Variants in NELL1 observed in about 807,000 individuals in gnomAD.
The protein encoded by NELL1 is protein kinase C-binding protein NELL1.
In NELL1, 76 loss-of-function variants were observed where a neutral mutation model predicts 107.4. The ratio of observed to expected loss-of-function variants is 0.71; its 90% CI spans 0.59 to 0.86. The LOEUF (loss-of-function observed/expected upper bound fraction) is 0.86, where lower values mean the gene tolerates loss of function less well. Ranked by LOEUF, NELL1 falls within the 40% of genes least tolerant of loss-of-function variation. The pLI is 0.00. For synonymous variants in NELL1, 353 were observed against 341.2 expected, an observed-to-expected ratio of 1.03 and a Z score of -0.38; for missense variants, 1,024 against 1,005.5, an observed-to-expected ratio of 1.02 and a Z score of -0.25.
At chr11:21,169,705 T>C (rs1268247851) in intron 13 of NELL1, 2 of 671,602 alleles carry the variant, frequency 3.0e-6, no homozygotes, top group Admixed American at 3.0e-5. Flanking sequence ...TCATAATTCC[T>C]TGGTCATCTT....
intron 5 of NELL1, among the ~76,000 whole-genome samples, chr11:20,915,717 A>ATATATATATATTTTTT: frequency 6.9e-5 from 4 of 58,224 alleles, no homozygotes; most frequent in African/African-American, 3.5e-4. Context: ...ATATATATAT[A>ATATATATATATTTTTT]TTTTTTTTTT....
intron 15 of NELL1, among the ~76,000 whole-genome samples, chr11:21,449,275 T>C (rs1945409): frequency 0.085 from 12,948 of 151,856 alleles, 731 homozygotes; most frequent in Non-Finnish European, 0.12. Flanking sequence ...AAGATCTCAT[T>C]TTTTGTTTGT....
intron 15 of NELL1, among the ~76,000 whole-genome samples, chr11:21,466,918 C>T: frequency 6.6e-6 from 1 of 151,580 alleles, no homozygotes; most frequent in Non-Finnish European, 1.5e-5. Context: ...ATGAATATCT[C>T]CCCAGACATT....
intron 2 of NELL1, among the ~76,000 whole-genome samples, chr11:20,684,747 C>A (rs1474716455): frequency 6.6e-6 from 1 of 151,918 alleles, no homozygotes; most frequent in Non-Finnish European, 1.5e-5. Flanking sequence ...CTTTTAGATC[C>A]TACTTTAAAG....
At chr11:21,099,222 C>CAA (rs1403909956) in intron 12 of NELL1, among the ~76,000 whole-genome samples, 15 of 137,092 alleles carry the variant, frequency 1.1e-4, no homozygotes, top group African/African-American at 2.4e-4. Flanking sequence ...CACACACACA[C>CAA]ACACACACAC....
chr11:20,921,161 T>G (rs962738578), intron 7 of NELL1, among the ~76,000 whole-genome samples: 6 of 152,224 alleles, frequency 3.9e-5, no homozygotes, highest in African/African-American at 1.4e-4. Context: ...ATTATAACTA[T>G]TGAAAACTAT....
chr11:21,193,886 T>C (rs1857097196), intron 13 of NELL1, among the ~76,000 whole-genome samples: 1 of 151,930 alleles, frequency 6.6e-6, no homozygotes, highest in Non-Finnish European at 1.5e-5. Flanking sequence ...ATGTTTACAC[T>C]TGAAATTCTT....
In NELL1 at chr11:20,794,608, G is replaced by T. The variant is rs562248044; in HGVS notation, c.335+10778G>T. On this transcript the variant is annotated intron_variant, in intron 3 of 19. Transcript: ENST00000357134. The stretch of plus-strand genomic sequence containing the variant: ...TACCTGGTGATTTTTCTGAGGATTA[G>T]TATTTGTAAAATACCTAGCATAGTG... Among the ~76,000 whole-genome samples, 3 of 152,164 alleles carry T rather than the reference G, an allele frequency of 2.0e-5. No homozygotes were observed. The East Asian group carries it at 5.8e-4, about 29-fold the overall frequency.
intron 15 of NELL1, among the ~76,000 whole-genome samples, chr11:21,531,808 A>G (rs1391963766): frequency 1.3e-5 from 2 of 152,134 alleles, no homozygotes; most frequent in Non-Finnish European, 2.9e-5. Context: ...GCCTCTGAGG[A>G]CAAAGGCAGC....
At chr11:21,083,756 C>T (rs77355968) in intron 12 of NELL1, among the ~76,000 whole-genome samples, 4,199 of 152,226 alleles carry the variant, frequency 0.028, 134 homozygotes, top group South Asian at 0.12. Flanking sequence ...ATCTGTCATT[C>T]AACTTTAAAC....
chr11:21,229,317 T>C lies in NELL1; in HGVS notation c.1427-15T>C. On this transcript the variant is annotated splice_polypyrimidine_tract_variant and intron_variant, in intron 13 of 19. Transcript: ENST00000357134. ...AAGAAAAAGTATTTCTCTTTTTCTC[T>C]CACCCTGGAAACAGAACACGATGAA... 6.2e-7 allele frequency: 1 copy of C among 1,613,572 alleles called. No individual in the cohort carries two copies. The highest frequency in any genetic ancestry group is 8.5e-7 in the Non-Finnish European group (1 of 1,179,728).
intron 12 of NELL1, among the ~76,000 whole-genome samples, chr11:21,046,535 C>T (rs956810982): frequency 2.0e-5 from 3 of 152,024 alleles, no homozygotes; most frequent in Non-Finnish European, 4.4e-5. Context: ...TATGTTATGT[C>T]CGACTTTGTT....
chr11:21,368,057 A>G (rs114083134), intron 14 of NELL1, among the ~76,000 whole-genome samples: 2,699 of 152,252 alleles, frequency 0.018, 87 homozygotes, highest in African/African-American at 0.061. Context: ...CTGATATTTT[A>G]TTACATATTC....
At chr11:21,381,717 G>C (rs544472878) in intron 15 of NELL1, among the ~76,000 whole-genome samples, 1 of 151,948 alleles carries the variant, frequency 6.6e-6, no homozygotes, top group African/African-American at 2.4e-5. Flanking sequence ...CAATTCAAGT[G>C]TAAAGTGATT....
chr11:21,410,233 G>T (rs1431481154), intron 15 of NELL1, among the ~76,000 whole-genome samples: 1 of 151,986 alleles, frequency 6.6e-6, no homozygotes, highest in African/African-American at 2.4e-5. Flanking sequence ...AGACCAAGAT[G>T]ATTAATGTCT....
intron 3 of NELL1, among the ~76,000 whole-genome samples, chr11:20,809,125 G>T (rs1857446881): frequency 6.6e-6 from 1 of 152,170 alleles, no homozygotes. Flanking sequence ...AGGGCACTTG[G>T]AGATTTTTAC....
chr11:21,398,275 T>G (rs1852023806), intron 15 of NELL1, among the ~76,000 whole-genome samples: 1 of 151,698 alleles, frequency 6.6e-6, no homozygotes, highest in Non-Finnish European at 1.5e-5. Flanking sequence ...TCTCTGAACG[T>G]TGGTACAAAG....
chr11:20,791,979 C>A (rs975367609), intron 3 of NELL1, among the ~76,000 whole-genome samples: 1 of 151,982 alleles, frequency 6.6e-6, no homozygotes, highest in Non-Finnish European at 1.5e-5. Context: ...GGCTATGTTC[C>A]ATAATCCTTT....
intron 1 of NELL1, among the ~76,000 whole-genome samples, chr11:20,674,308 A>T (rs1398266025): frequency 6.6e-6 from 1 of 152,138 alleles, no homozygotes; most frequent in Admixed American, 6.5e-5. Context: ...AGGGAGCTGG[A>T]GTGGTCTGGA....
Sources: allele counts gnomAD v4.1 joint callset (sites outside exome capture counted in the v4.1 genomes callset), GRCh38; gene constraint gnomAD v4.1.1; transcripts MANE v1.5; gene names NCBI Gene and HGNC (gene_info 2026-07-23, HGNC 2026-07-21).